Variants in STK32B observed in about 807,000 individuals in gnomAD.
STK32B encodes serine/threonine kinase 32B.
In STK32B, 43 loss-of-function variants were observed where a neutral mutation model predicts 52.6. The observed-to-expected ratio is 0.82, with a 90% CI of 0.64 to 1.05. The LOEUF is 1.05. Ranked by LOEUF, STK32B falls within the 50% of genes least tolerant of loss-of-function variation. The pLI is 0.00. For missense variants in STK32B, 621 were observed against 534.6 expected (o/e 1.16, Z -1.59); for synonymous variants, 238 against 204.3 (o/e 1.17, Z -1.41).
At chr4:5,207,529 T>C (rs1722646860) in intron 3 of STK32B, among the ~76,000 whole-genome samples, 1 of 152,088 alleles carries the variant, frequency 6.6e-6, no homozygotes, top group African/African-American at 2.4e-5. Flanking sequence ...TAAGCTTCTT[T>C]TTCTGTATAA....
intron 3 of STK32B, among the ~76,000 whole-genome samples, chr4:5,330,831 A>G (rs878544): frequency 0.19 from 29,243 of 152,124 alleles, 5,165 homozygotes; most frequent in African/African-American, 0.45. Flanking sequence ...AATGGAGGGA[A>G]TGTTTGGGAG....
At chr4:5,304,718 T>C (rs1256996810) in intron 3 of STK32B, among the ~76,000 whole-genome samples, 1 of 152,096 alleles carries the variant, frequency 6.6e-6, no homozygotes, top group South Asian at 2.1e-4. Flanking sequence ...TCCAGTACTA[T>C]GCTGAATAGA....
intron 1 of STK32B, among the ~76,000 whole-genome samples, chr4:5,074,114 A>G (rs1462111327): frequency 6.6e-6 from 1 of 151,778 alleles, no homozygotes; most frequent in Non-Finnish European, 1.5e-5. Context: ...TTAGAACTTC[A>G]GTAACATGTA....
upstream of STK32B, among the ~76,000 whole-genome samples, chr4:5,049,385 A>C (rs1741674816): frequency 6.6e-6 from 1 of 152,090 alleles, no homozygotes. Context: ...GAGACCACCA[A>C]ACAGGCTTTG....
intron 3 of STK32B, among the ~76,000 whole-genome samples, chr4:5,209,702 CTGGTCTCTGTGT>C (rs1722791390): frequency 6.6e-6 from 1 of 152,224 alleles, no homozygotes; most frequent in Non-Finnish European, 1.5e-5. Context: ...CACCTCTGTG[CTGGTCTCTGTGT>C]TAGATCCCTC....
At chr4:5,258,645 A>G (rs1184383994) in intron 3 of STK32B, among the ~76,000 whole-genome samples, 2 of 152,086 alleles carry the variant, frequency 1.3e-5, no homozygotes, top group East Asian at 1.9e-4. Flanking sequence ...CTCCTTCAGC[A>G]CATCCAGGAT....
At chr4:5,222,150 A>G (rs1413682422) in intron 3 of STK32B, among the ~76,000 whole-genome samples, 1 of 152,192 alleles carries the variant, frequency 6.6e-6, no homozygotes, top group Non-Finnish European at 1.5e-5. Flanking sequence ...AGCCTCCAGA[A>G]CTGTGACAAA....
intron 3 of STK32B, among the ~76,000 whole-genome samples, chr4:5,308,345 C>A (rs1485225073): frequency 1.3e-5 from 2 of 152,326 alleles, no homozygotes; most frequent in Non-Finnish European, 2.9e-5. Flanking sequence ...TGGTTCTCCA[C>A]ATGCTACTCT....
chr4:5,084,065 T>C (rs1018783792), intron 1 of STK32B, among the ~76,000 whole-genome samples: 12 of 152,196 alleles, frequency 7.9e-5, no homozygotes, highest in African/African-American at 2.9e-4. Context: ...ACTTTCTATG[T>C]CTGTTTCTCT....
chr4:5,196,968 C>G (rs923388608), intron 3 of STK32B, among the ~76,000 whole-genome samples: 1 of 152,062 alleles, frequency 6.6e-6, no homozygotes, highest in African/African-American at 2.4e-5. Context: ...CCTTTCAAAT[C>G]TCTAGAAGCA....
At chr4:5,068,728 T>C (rs1711570087) in intron 1 of STK32B, among the ~76,000 whole-genome samples, 2 of 152,170 alleles carry the variant, frequency 1.3e-5, no homozygotes, top group Admixed American at 1.3e-4. Flanking sequence ...ATGACTTTAA[T>C]AGAATTTTTT....
chr4:5,176,438 C>CTTT (rs34628636), intron 3 of STK32B, among the ~76,000 whole-genome samples: 3,057 of 111,870 alleles, frequency 0.027, 123 homozygotes, highest in African/African-American at 0.073. Flanking sequence ...CGGCCATCAT[C>CTTT]TTTTTTTTTT....
chr4:5,090,368 A>ATTT (rs1230568290), intron 1 of STK32B, among the ~76,000 whole-genome samples: 4 of 92,264 alleles, frequency 4.3e-5, no homozygotes, highest in African/African-American at 1.7e-4. Context: ...TCTTTAATCC[A>ATTT]TCTTTTTTTT....
At chr4:5,028,999 C>T in the STK32B span, among the ~76,000 whole-genome samples, 10 of 152,202 alleles carry the variant, frequency 6.6e-5, no homozygotes, top group Admixed American at 2.0e-4. Context: ...TTTAAACAAC[C>T]GGGTCTCAGG....
At chr4:5,140,527 C>T (rs1317297069) in intron 2 of STK32B, among the ~76,000 whole-genome samples, 1 of 152,016 alleles carries the variant, frequency 6.6e-6, no homozygotes, top group Non-Finnish European at 1.5e-5. Context: ...TTGTTATTTC[C>T]ATTTTACAGA....
chr4:5,409,893 C>T (rs1711519368), intron 5 of STK32B, among the ~76,000 whole-genome samples: 1 of 152,134 alleles, frequency 6.6e-6, no homozygotes. Flanking sequence ...ATCAAAGGCT[C>T]ATTTTATTCT....
In STK32B at chr4:5,058,554, C is replaced by CT. The variant is rs1296555540; in HGVS notation, c.52+6646dup. ...TGAGTGGGACAGACTCTTTTCCCAT[C>CT]TTTTTTTGTTTTGTTTTGTTTGTTT... On this transcript the variant is annotated intron_variant, in intron 1 of 11. Transcript: ENST00000282908. This position sits in a 1 kb window ranked among gnomAD's most constrained non-coding sequence, Gnocchi z 4.8. Among the ~76,000 whole-genome samples the CT allele has an allele frequency of 6.6e-6, 1 of 151,948 alleles. No individual in the cohort carries two copies. Among genetic ancestry groups the CT allele is most frequent in the Non-Finnish European group, 1.5e-5 (1 of 67,996 alleles).
chr4:5,101,646 A>G (rs774489724), intron 1 of STK32B, among the ~76,000 whole-genome samples: 2 of 152,056 alleles, frequency 1.3e-5, no homozygotes, highest in African/African-American at 2.4e-5. Context: ...CTTCTGAAAG[A>G]GTTTTCTTTC....
At position 5,451,145 on chromosome 4, in the gene STK32B, G is replaced by A. The variant is rs933492294; in HGVS notation, c.666+4369G>A. On this transcript the variant is annotated intron_variant, in intron 7 of 11. Coordinates refer to ENST00000282908, the MANE Select transcript of STK32B (RefSeq NM_018401.3). ...ACACAGGAGATGTGCGGATTATTGT[G>A]CAAATAAGTAAATACACACACAACG... Among the ~76,000 whole-genome samples the A allele has an allele frequency of 2.6e-5, 4 of 152,184 alleles. No homozygotes were observed. The East Asian group carries it at 7.7e-4, about 29-fold the overall frequency.
Sources: gnomAD v4.1 joint callset for allele counts (sites outside exome capture counted in the v4.1 genomes callset) on GRCh38, gnomAD v4.1.1 for gene constraint, Gnocchi (gnomAD v3.1) non-coding constraint, MANE v1.5 for transcripts, NCBI Gene and HGNC (gene_info 2026-07-23, HGNC 2026-07-21) for gene names.